Variants in CACNA2D1 observed in about 807,000 individuals in gnomAD.
CACNA2D1 encodes calcium voltage-gated channel auxiliary subunit alpha2delta 1.
In CACNA2D1, 53 loss-of-function variants were observed where a neutral mutation model predicts 171.5. The observed-to-expected ratio is 0.31, with a 90% confidence interval of 0.25 to 0.39. The LOEUF (loss-of-function observed/expected upper bound fraction) is 0.39. CACNA2D1 is among the 10% of genes least tolerant of loss of function. The probability of loss-of-function intolerance (pLI) is 1.00; values close to 1 mark genes in which losing one functional copy is unlikely to be tolerated. For synonymous variants in CACNA2D1, 442 were observed against 443.1 expected (o/e 1.00, Z 0.03); for missense variants, 903 against 1,299.8 (o/e 0.69, Z 4.69).
chr7:82,258,176 T>C (rs1347869250), intron 3 of CACNA2D1, among the ~76,000 whole-genome samples: 1 of 152,162 alleles, frequency 6.6e-6, no homozygotes, highest in Non-Finnish European at 1.5e-5. Flanking sequence ...ACTCCACTCT[T>C]ACGCCTAAAG....
chr7:82,080,031 T>C (rs1809530384), intron 7 of CACNA2D1, among the ~76,000 whole-genome samples: 1 of 140,992 alleles, frequency 7.1e-6, no homozygotes, highest in South Asian at 2.4e-4. Context: ...TACATAATAC[T>C]GATGGGGTTA....
intron 26 of CACNA2D1, 91 bp from the exon 27 acceptor site, chr7:81,970,828 A>G: frequency 1.3e-6 from 1 of 779,660 alleles, no homozygotes; most frequent in Admixed American, 1.7e-5. Context: ...AAGTAAGTTT[A>G]GGAAGTAAAG....
intron 11 of CACNA2D1, among the ~76,000 whole-genome samples, chr7:82,034,688 T>C (rs527882353): frequency 1.1e-4 from 16 of 152,122 alleles, no homozygotes; most frequent in Non-Finnish European, 2.4e-4. Context: ...CAAAATAATA[T>C]GTACCTAAAG....
intron 5 of CACNA2D1, among the ~76,000 whole-genome samples, chr7:82,132,671 G>A (rs762310168): frequency 6.6e-5 from 10 of 152,130 alleles, no homozygotes; most frequent in Non-Finnish European, 1.3e-4. Flanking sequence ...GAACCTTGAG[G>A]GCTGGAAAGA....
chr7:82,090,167 T>C (rs1338348120), intron 6 of CACNA2D1, among the ~76,000 whole-genome samples: 1 of 152,110 alleles, frequency 6.6e-6, no homozygotes, highest in Non-Finnish European at 1.5e-5. Context: ...CCTAGAAAAT[T>C]ACAATACAAT....
rs570234323 is a variant in CACNA2D1, at chr7:82,064,193, T to C, written c.779+111A>G. On this transcript the variant is annotated intron_variant, in intron 9 of 38. Transcript: ENST00000356860. ...TGAATATAAAAGTCATCATAATTTT[T>C]CTTTGTTTCTTTTTTAACCTATCAA... The C allele has an allele frequency of 9.2e-6, 6 of 655,678 alleles. No individual in the cohort carries two copies. In the South Asian group the frequency reaches 1.2e-4, roughly 13 times the overall value. 40.6% of individuals were successfully genotyped at this position (655,678 alleles called of 1,614,324 possible).
intron 24 of CACNA2D1, among the ~76,000 whole-genome samples, chr7:81,976,961 T>C (rs532550433): frequency 1.3e-5 from 2 of 152,160 alleles, no homozygotes; most frequent in Non-Finnish European, 2.9e-5. Flanking sequence ...GAAGAGACAA[T>C]GGGGTTTTCT....
At chr7:82,222,486 C>T (rs1023015617) in intron 3 of CACNA2D1, among the ~76,000 whole-genome samples, 1 of 152,158 alleles carries the variant, frequency 6.6e-6, no homozygotes, top group African/African-American at 2.4e-5. Flanking sequence ...GGAAAGTCTT[C>T]TTAAGACCAA....
At chr7:82,142,326 T>G (rs938737348) in intron 4 of CACNA2D1, among the ~76,000 whole-genome samples, 3 of 152,216 alleles carry the variant, frequency 2.0e-5, no homozygotes, top group Admixed American at 2.0e-4. Context: ...AGTTGAGAGA[T>G]AAATTACTTT....
chr7:82,123,375 C>T (rs907117439), intron 5 of CACNA2D1, among the ~76,000 whole-genome samples: 1 of 152,122 alleles, frequency 6.6e-6, no homozygotes, highest in Non-Finnish European at 1.5e-5. Flanking sequence ...TATACATCAC[C>T]CACGTTTTAT....
chr7:82,387,460 T>C (rs1307987129), intron 1 of CACNA2D1, among the ~76,000 whole-genome samples: 2 of 152,184 alleles, frequency 1.3e-5, no homozygotes, highest in Non-Finnish European at 2.9e-5. Context: ...TTTAGCAATA[T>C]TGTTAGCTGC....
intron 3 of CACNA2D1, among the ~76,000 whole-genome samples, chr7:82,185,504 G>C (rs1443239586): frequency 4.5e-5 from 1 of 22,308 alleles, no homozygotes; most frequent in Non-Finnish European, 9.4e-5. Flanking sequence ...GGAGGGGAGG[G>C]GGAGGGGGAG....
At chr7:82,250,248 C>T (rs1303891039) in intron 3 of CACNA2D1, among the ~76,000 whole-genome samples, 2 of 152,208 alleles carry the variant, frequency 1.3e-5, no homozygotes, top group Non-Finnish European at 2.9e-5. Flanking sequence ...AACATAAGAA[C>T]TTTTGGGGAA....
chr7:82,402,287 A>G (rs1280161641), intron 1 of CACNA2D1, among the ~76,000 whole-genome samples: 1 of 152,250 alleles, frequency 6.6e-6, no homozygotes, highest in Admixed American at 6.5e-5. Context: ...TTCAGAACGT[A>G]CCATGTTCCA....
At chr7:82,006,494 G>A (rs181946082) in intron 16 of CACNA2D1, among the ~76,000 whole-genome samples, 4 of 151,664 alleles carry the variant, frequency 2.6e-5, no homozygotes, top group African/African-American at 7.3e-5. Context: ...TAAAATTTTG[G>A]GTCCAAAATT....
chr7:82,393,083 A>C lies in CACNA2D1; in HGVS notation c.96-43434T>G, dbSNP rs111837525. Among the ~76,000 whole-genome samples the C allele has an allele frequency of 7.7e-3, 631 of 82,202 alleles. 2 individuals carry two copies. The highest frequency in any genetic ancestry group is 0.011 in the South Asian group (27 of 2,416). 53.9% of individuals were successfully genotyped at this position (82,202 alleles called of 152,430 possible). ...GAAGGAAGGAAGGAAGGAAGGAAGG[A>C]AGGCAGGCAGGCAGGCAGGCAGGCA... On this transcript the variant is annotated intron_variant, in intron 1 of 38. Transcript: ENST00000356860.
intron 19 of CACNA2D1, 22 bp from the exon 20 acceptor site, chr7:81,994,961 A>C (rs1797890792): frequency 8.0e-7 from 1 of 1,243,698 alleles, no homozygotes; most frequent in Non-Finnish European, 1.2e-6. Context: ...TGAAACAACT[A>C]CTTTATTCCA....
chr7:82,292,282 G>C (rs1297591546), intron 3 of CACNA2D1, among the ~76,000 whole-genome samples: 1 of 152,104 alleles, frequency 6.6e-6, no homozygotes, highest in Non-Finnish European at 1.5e-5. Context: ...GGAGACATAA[G>C]TCCTGGATAA....
intron 10 of CACNA2D1, among the ~76,000 whole-genome samples, chr7:82,043,280 G>C (rs1465988676): frequency 6.6e-6 from 1 of 152,050 alleles, no homozygotes; most frequent in Non-Finnish European, 1.5e-5. Flanking sequence ...CTCAAATAAA[G>C]ATATACAGAA....
Sources: gnomAD v4.1 joint callset for allele counts (sites outside exome capture counted in the v4.1 genomes callset) on GRCh38, gnomAD v4.1.1 for gene constraint, MANE v1.5 for transcripts, NCBI Gene and HGNC (gene_info 2026-07-23, HGNC 2026-07-21) for gene names.